FSHR: variants seen among roughly 807,000 people sequenced by gnomAD.
FSHR encodes the protein follicle stimulating hormone receptor.
In FSHR, 46 loss-of-function variants were observed where a neutral mutation model predicts 52.1. The observed-to-expected ratio is 0.88, with a 90% CI of 0.70 to 1.13. The LOEUF (loss-of-function observed/expected upper bound fraction) is 1.13. Among genes scored for constraint, FSHR ranks in the 50% most tolerant of loss-of-function variants. FSHR has a pLI of 0.00. For missense variants in FSHR, 964 were observed against 834.6 expected (o/e 1.16, Z -1.91); for synonymous variants, 399 against 309.6 (o/e 1.29, Z -3.03).
intron 6 of FSHR, among the ~76,000 whole-genome samples, chr2:48,983,869 T>A (rs1161866198): frequency 6.6e-6 from 1 of 152,008 alleles, no homozygotes; most frequent in East Asian, 1.9e-4. Context: ...CCATCCTGAT[T>A]GCGCTAAGAA....
intron 2 of FSHR, among the ~76,000 whole-genome samples, chr2:49,065,428 C>A (rs1219961166): frequency 6.6e-6 from 1 of 152,112 alleles, no homozygotes; most frequent in South Asian, 2.1e-4. Context: ...GTCAGTAGGA[C>A]TGGAGGAGCA....
chr2:49,081,948 C>T (rs568115964), intron 1 of FSHR, among the ~76,000 whole-genome samples: 2 of 152,154 alleles, frequency 1.3e-5, no homozygotes, highest in African/African-American at 4.8e-5. Context: ...TTTATGATGG[C>T]CCAAGTGTAA....
chr2:49,022,934 C>T (rs377194571), intron 2 of FSHR, among the ~76,000 whole-genome samples: 1 of 152,160 alleles, frequency 6.6e-6, no homozygotes, highest in East Asian at 1.9e-4. Flanking sequence ...TGCAGATTCT[C>T]ATTGGGAAGG....
chr2:49,153,473 CG>C (rs1673133539), intron 1 of FSHR, among the ~76,000 whole-genome samples: 1 of 152,054 alleles, frequency 6.6e-6, no homozygotes, highest in Non-Finnish European at 1.5e-5. Context: ...TCAAAAGGCC[CG>C]ATTTCTACTT....
intron 2 of FSHR, among the ~76,000 whole-genome samples, chr2:49,034,647 C>A (rs544510880): frequency 3.1e-4 from 47 of 152,138 alleles, no homozygotes; most frequent in Non-Finnish European, 6.3e-4. Context: ...CACATAAACA[C>A]CTTTTTGGAA....
chr2:49,100,232 T>C (rs1399115012), intron 1 of FSHR, among the ~76,000 whole-genome samples: 1 of 152,276 alleles, frequency 6.6e-6, no homozygotes, highest in South Asian at 2.1e-4. Flanking sequence ...AATTCAGTTC[T>C]AGGAACATGC....
At chr2:49,021,615 T>A (rs886844761) in intron 2 of FSHR, among the ~76,000 whole-genome samples, 1 of 151,754 alleles carries the variant, frequency 6.6e-6, no homozygotes, top group East Asian at 2.0e-4. Flanking sequence ...TGCTGGTGCA[T>A]CTGTGACTGG....
intron 2 of FSHR, among the ~76,000 whole-genome samples, chr2:49,060,900 G>T (rs1363879623): frequency 6.6e-6 from 1 of 152,066 alleles, no homozygotes; most frequent in Non-Finnish European, 1.5e-5. Flanking sequence ...CTAGAATGCT[G>T]CTAAGCCCCA....
chr2:49,083,562 G>A (rs1670257136), intron 1 of FSHR, among the ~76,000 whole-genome samples: 1 of 146,790 alleles, frequency 6.8e-6, no homozygotes, highest in Non-Finnish European at 1.5e-5. Context: ...ATTGGATAAA[G>A]AGTCAAGACC....
chr2:49,122,005 T>A (rs924843369), intron 1 of FSHR, among the ~76,000 whole-genome samples: 1 of 152,170 alleles, frequency 6.6e-6, no homozygotes, highest in Non-Finnish European at 1.5e-5. Flanking sequence ...AACCGCTCAG[T>A]CAGGCAACAT....
At chr2:48,994,096 T>C (rs1675911693) in intron 4 of FSHR, among the ~76,000 whole-genome samples, 1 of 152,172 alleles carries the variant, frequency 6.6e-6, no homozygotes, top group Non-Finnish European at 1.5e-5. Flanking sequence ...AGTTGACGCA[T>C]AAAATGTGCT....
intron 2 of FSHR, among the ~76,000 whole-genome samples, chr2:49,032,168 A>G (rs1224313935): frequency 2.0e-5 from 3 of 152,204 alleles, no homozygotes; most frequent in Non-Finnish European, 4.4e-5. Context: ...GTTTTCTCCA[A>G]GGAAGCCTTC....
At chr2:49,123,808 T>C (rs572140148) in intron 1 of FSHR, among the ~76,000 whole-genome samples, 29 of 152,220 alleles carry the variant, frequency 1.9e-4, no homozygotes, top group African/African-American at 7.0e-4. Flanking sequence ...ATGCAGAATG[T>C]TGACAATCAA....
At chr2:48,970,971 CT>C (rs1674716337) in intron 8 of FSHR, among the ~76,000 whole-genome samples, 1 of 152,184 alleles carries the variant, frequency 6.6e-6, no homozygotes, top group Admixed American at 6.5e-5. Context: ...ACCACAATCT[CT>C]GCCTAGACAA....
rs111492490 is a variant in FSHR at position 49,087,536 on chromosome 2, G to A, written c.153-19246C>T. On this transcript the variant is annotated intron_variant, in intron 1 of 9. Transcript: ENST00000406846. ...TCTGCCCTAATTAGCTTATGTTCTA[G>A]CCAGAGAAATAGGCAATCAGAAATA... Among the ~76,000 whole-genome samples the A allele has an allele frequency of 2.5e-4, 38 of 152,278 alleles. 2 individuals carry two copies. The highest frequency in any genetic ancestry group is 8.7e-4 in the African/African-American group (36 of 41,572).
chr2:49,076,801 G>A (rs902358073), intron 1 of FSHR, among the ~76,000 whole-genome samples: 5 of 152,080 alleles, frequency 3.3e-5, no homozygotes, highest in African/African-American at 4.8e-5. Context: ...AACAAATTTG[G>A]CCAATTTTGG....
At chr2:48,983,674 C>T (rs1445742272) in intron 6 of FSHR, among the ~76,000 whole-genome samples, 1 of 152,214 alleles carries the variant, frequency 6.6e-6, no homozygotes, top group Non-Finnish European at 1.5e-5. Flanking sequence ...ATTAAGTTGT[C>T]AGACAACCTG....
At chr2:49,127,816 TC>T (rs1558456486) in intron 1 of FSHR, among the ~76,000 whole-genome samples, 653 of 57,798 alleles carry the variant, frequency 0.011, 44 homozygotes, top group Middle Eastern at 0.067. Context: ...TTCTTCTTCT[TC>T]TTCTTCTTCT....
chr2:48,965,097 G>C (rs1309917696), intron 9 of FSHR, among the ~76,000 whole-genome samples: 1 of 151,862 alleles, frequency 6.6e-6, no homozygotes, highest in Non-Finnish European at 1.5e-5. Context: ...TTTAAACCTT[G>C]ACATAACCTC....
Sources: gnomAD v4.1 joint callset for allele counts (sites outside exome capture counted in the v4.1 genomes callset) on GRCh38, gnomAD v4.1.1 for gene constraint, MANE v1.5 for transcripts, NCBI Gene and HGNC (gene_info 2026-07-23, HGNC 2026-07-21) for gene names.